DOK5: variants seen among roughly 807,000 people sequenced by gnomAD.
DOK5 encodes downstream of tyrosine kinase 5.
In DOK5, 27 loss-of-function variants were observed where a neutral mutation model predicts 43.3. The ratio of observed to expected loss-of-function variants is 0.62; its 90% CI spans 0.46 to 0.86. DOK5 has a LOEUF of 0.86. Among genes scored for constraint, DOK5 ranks in the 40% least tolerant of loss-of-function variants. The pLI is 0.00. For missense variants in DOK5, 373 were observed against 392.9 expected (o/e 0.95, Z 0.43); for synonymous variants, 146 against 140.1 (o/e 1.04, Z -0.30).
intron 5 of DOK5, among the ~76,000 whole-genome samples, chr20:54,598,526 C>T (rs1986211436): frequency 6.6e-6 from 1 of 152,192 alleles, no homozygotes; most frequent in African/African-American, 2.4e-5. Flanking sequence ...GTTAACTGTA[C>T]AGCTTGCTGC....
intron 6 of DOK5, among the ~76,000 whole-genome samples, chr20:54,626,132 AT>A (rs1987122196): frequency 6.6e-6 from 1 of 152,178 alleles, no homozygotes; most frequent in African/African-American, 2.4e-5. Context: ...GTTTTTATTC[AT>A]TTTAAGTTTG....
intron 1 of DOK5, among the ~76,000 whole-genome samples, chr20:54,495,616 C>T (rs929718493): frequency 1.2e-4 from 19 of 152,146 alleles, no homozygotes; most frequent in Non-Finnish European, 8.8e-5. Flanking sequence ...AGTGGCTGGG[C>T]GCAGTGGCTC....
At chr20:54,563,114 G>A (rs1046476817) in intron 2 of DOK5, among the ~76,000 whole-genome samples, 10 of 152,154 alleles carry the variant, frequency 6.6e-5, no homozygotes, top group South Asian at 4.1e-4. Context: ...CCACCAGACC[G>A]TAGGATAGAT....
chr20:54,491,631 G>T (rs565644922), intron 1 of DOK5, among the ~76,000 whole-genome samples: 1 of 152,266 alleles, frequency 6.6e-6, no homozygotes, highest in East Asian at 1.9e-4. Context: ...AGACGGAAAT[G>T]CCTGCCCTCC....
At chr20:54,564,925 A>C (rs1022399282) in intron 2 of DOK5, among the ~76,000 whole-genome samples, 4 of 152,198 alleles carry the variant, frequency 2.6e-5, no homozygotes, top group Non-Finnish European at 4.4e-5. Context: ...GCCACTTGTC[A>C]CTTTGCTACA....
At chr20:54,576,164 A>G (rs999305889) in intron 2 of DOK5, among the ~76,000 whole-genome samples, 5 of 152,222 alleles carry the variant, frequency 3.3e-5, no homozygotes, top group Non-Finnish European at 7.3e-5. Context: ...TTTAACATCT[A>G]TATCAAAAGA....
chr20:54,495,914 C>A (rs1008100346), intron 1 of DOK5, among the ~76,000 whole-genome samples: 11 of 152,124 alleles, frequency 7.2e-5, no homozygotes, highest in Admixed American at 6.6e-5. Context: ...AAGTACATTT[C>A]CCAGGCTTCT....
intron 1 of DOK5, among the ~76,000 whole-genome samples, chr20:54,501,295 A>G (rs185552407): frequency 7.3e-4 from 111 of 151,706 alleles, no homozygotes; most frequent in East Asian, 3.7e-3. Flanking sequence ...ATGAAACCCC[A>G]TCTCTACTAA....
chr20:54,554,351 A>G (rs1984637106), intron 1 of DOK5, among the ~76,000 whole-genome samples: 1 of 152,232 alleles, frequency 6.6e-6, no homozygotes, highest in Non-Finnish European at 1.5e-5. Flanking sequence ...ACCTACCAGC[A>G]TTGACCTTTC....
chr20:54,610,203 G>A (rs192362410), intron 5 of DOK5, among the ~76,000 whole-genome samples, 185 bp from the exon 6 acceptor site: 1 of 152,330 alleles, frequency 6.6e-6, no homozygotes, highest in Admixed American at 6.5e-5. Context: ...TTGGTCCCCT[G>A]CCCTTGTTAA....
At chr20:54,519,152 G>T (rs1983304428) in intron 1 of DOK5, among the ~76,000 whole-genome samples, 1 of 152,136 alleles carries the variant, frequency 6.6e-6, no homozygotes, top group African/African-American at 2.4e-5. Context: ...ACATGTCCAG[G>T]ATCACCTAAT....
At position 54,501,486 on chromosome 20, in the gene DOK5, AAAAAAAG is replaced by A. The variant is rs1359682282; in HGVS notation, c.66+25477_66+25483del. Among the ~76,000 whole-genome samples, 166 of 146,684 alleles carry A rather than the reference AAAAAAAG, an allele frequency of 1.1e-3. 1 individual carries two copies. Among genetic ancestry groups the A allele is most frequent in the African/African-American group, 4.3e-3 (159 of 36,942 alleles). On this transcript the variant is annotated intron_variant, in intron 1 of 7. Transcript: ENST00000262593. ...ACTCTCAAAAAAAAAAAAAAAAAAA[AAAAAAAG>A]AAGAAAAGGAAAAAGAAAAAATAAA...
intron 1 of DOK5, among the ~76,000 whole-genome samples, chr20:54,514,381 G>A (rs1983121731): frequency 6.6e-6 from 1 of 152,140 alleles, no homozygotes; most frequent in African/African-American, 2.4e-5. Context: ...TCAGTTTTCA[G>A]ACAGAAGAGG....
chr20:54,614,772 T>C (rs1986754210), intron 6 of DOK5, among the ~76,000 whole-genome samples: 1 of 152,238 alleles, frequency 6.6e-6, no homozygotes, highest in Non-Finnish European at 1.5e-5. Flanking sequence ...AGCTTCAACA[T>C]GGATCTGAAT....
At chr20:54,529,538 A>G (rs1360023467) in intron 1 of DOK5, among the ~76,000 whole-genome samples, 1 of 137,872 alleles carries the variant, frequency 7.3e-6, no homozygotes, top group Non-Finnish European at 1.5e-5. Context: ...TATAAGGGTG[A>G]CTTTAAAAAA....
chr20:54,616,658 T>TCCC, intron 6 of DOK5, among the ~76,000 whole-genome samples: 1 of 152,204 alleles, frequency 6.6e-6, no homozygotes, highest in Middle Eastern at 3.4e-3. Context: ...GGGTCAGGAG[T>TCCC]TTTGGCATAG....
At chr20:54,506,223 G>A (rs1301057621) in intron 1 of DOK5, among the ~76,000 whole-genome samples, 1 of 152,136 alleles carries the variant, frequency 6.6e-6, no homozygotes, top group African/African-American at 2.4e-5. Flanking sequence ...GTCAACTGCA[G>A]GAATGGGATT....
chr20:54,596,937 C>G (rs955671367), intron 5 of DOK5, among the ~76,000 whole-genome samples: 5 of 152,160 alleles, frequency 3.3e-5, no homozygotes, highest in Admixed American at 6.6e-5. Context: ...TCTCCCCACA[C>G]TATCTCAGTA....
chr20:54,508,324 TA>T (rs1451833725), intron 1 of DOK5, among the ~76,000 whole-genome samples: 5 of 151,782 alleles, frequency 3.3e-5, no homozygotes, highest in African/African-American at 1.2e-4. Context: ...CACACATAAA[TA>T]AAAGTTTCAT....
Sources: allele counts gnomAD v4.1 joint callset (sites outside exome capture counted in the v4.1 genomes callset), GRCh38; gene constraint gnomAD v4.1.1; transcripts MANE v1.5; gene names NCBI Gene and HGNC (gene_info 2026-07-23, HGNC 2026-07-21).